The following DTL variants were observed in gnomAD, a reference collection of about 807,000 sequenced individuals.
DTL encodes the protein denticleless protein homolog.
Under a neutral mutation model 87.0 loss-of-function variants are expected in DTL, and 46 were observed. The observed-to-expected ratio is 0.53, with a 90% CI of 0.42 to 0.68. DTL has a LOEUF of 0.68. Among genes scored for constraint, DTL ranks in the 30% least tolerant of loss-of-function variants. The pLI is 0.00. For synonymous variants in DTL, 308 were observed against 311.2 expected (o/e 0.99, Z 0.11); for missense variants, 737 against 869.4 (o/e 0.85, Z 1.91).
chr1:212,081,277 AAAG>A (rs1558086038), intron 13 of DTL, among the ~76,000 whole-genome samples: 1 of 152,208 alleles, frequency 6.6e-6, no homozygotes, highest in Non-Finnish European at 1.5e-5. Flanking sequence ...TAGATATTTT[AAAG>A]AAGAATATTC....
intron 11 of DTL, among the ~76,000 whole-genome samples, chr1:212,077,112 T>C (rs151038113): frequency 7.9e-5 from 12 of 152,302 alleles, no homozygotes; most frequent in African/African-American, 2.9e-4. Context: ...TCACCTCCAC[T>C]TTCTTCATAC....
intron 14 of DTL, among the ~76,000 whole-genome samples, chr1:212,101,608 G>A (rs1326565456): frequency 6.6e-6 from 1 of 152,160 alleles, no homozygotes; most frequent in Non-Finnish European, 1.5e-5. Context: ...AACAATTTGA[G>A]TGCAAAATCT....
Position 212,103,961 on chromosome 1 carries a change from C to T in DTL, c.*1021C>T, listed in dbSNP as rs1191025581. Reference sequence around the variant, plus strand: ...TTTTCATGTACATAAAAAGCAATAGCCTTTTAGTATAGATAGCCCTGAGCC... The same window carrying T: ...TTTTCATGTACATAAAAAGCAATAGTCTTTTAGTATAGATAGCCCTGAGCC... On this transcript the variant is annotated 3_prime_UTR_variant, in exon 15 of 15. Coordinates refer to ENST00000366991, the MANE Select transcript of DTL (RefSeq NM_016448.4). 2 of 152,034 alleles carry T rather than the reference C, an allele frequency of 1.3e-5. No individual in the cohort carries two copies. Among genetic ancestry groups the T allele is most frequent in the Non-Finnish European group, 2.9e-5 (2 of 68,002 alleles). The allele number at this position is 152,034 out of a possible 1,614,324, so 9.4% of individuals were successfully genotyped here.
intron 11 of DTL, among the ~76,000 whole-genome samples, chr1:212,074,968 A>G (rs575994208): frequency 7.9e-5 from 12 of 152,060 alleles, no homozygotes; most frequent in Admixed American, 7.9e-4. Context: ...TTTCCTAACT[A>G]TTGTCTCACC....
At chr1:212,064,454 A>G (rs1166353387) in intron 6 of DTL, among the ~76,000 whole-genome samples, 3 of 152,334 alleles carry the variant, frequency 2.0e-5, no homozygotes, top group Non-Finnish European at 4.4e-5. Flanking sequence ...ATGTGTAATG[A>G]CGTGCGTCCA....
intron 11 of DTL, among the ~76,000 whole-genome samples, chr1:212,077,317 A>T (rs750042524): frequency 6.6e-6 from 1 of 152,154 alleles, no homozygotes; most frequent in Non-Finnish European, 1.5e-5. Flanking sequence ...GATGCTGTCA[A>T]ATGTACATAA....
chr1:212,102,125 C>T (rs1348842568), intron 14 of DTL, among the ~76,000 whole-genome samples: 2 of 152,090 alleles, frequency 1.3e-5, no homozygotes, highest in African/African-American at 4.8e-5. Context: ...AAGACCTATC[C>T]CATAATTTTA....
chr1:212,043,956 G>A (rs1196308183), intron 2 of DTL, among the ~76,000 whole-genome samples: 3 of 152,144 alleles, frequency 2.0e-5, no homozygotes, highest in African/African-American at 7.2e-5. Flanking sequence ...GGGCATGGTG[G>A]TGCATGCCTG....
chr1:212,062,111 A>G (rs1457902011), intron 5 of DTL, among the ~76,000 whole-genome samples: 2 of 152,202 alleles, frequency 1.3e-5, no homozygotes, highest in South Asian at 2.1e-4. Flanking sequence ...CATATACCCC[A>G]TAAATATGTA....
At chr1:212,051,129 A>T (rs1205902776) in intron 5 of DTL, among the ~76,000 whole-genome samples, 1 of 151,928 alleles carries the variant, frequency 6.6e-6, no homozygotes, top group Non-Finnish European at 1.5e-5. Context: ...GGACAGTTTC[A>T]TCTGTACCAG....
In DTL at chr1:212,080,608, C is replaced by T. The variant is rs1415437845; in HGVS notation, c.1126-7C>T. The T allele has an allele frequency of 1.2e-6, 2 of 1,608,840 alleles. No individual in the cohort carries two copies. The highest frequency in any genetic ancestry group is 1.7e-5 in the Admixed American group (1 of 59,000). ...TTCTTAATTCCCTTCTTGGTACTCCCTCTTAGATTGCTACCTGTTCTGATG... is the reference window on the plus strand; with the variant it reads ...TTCTTAATTCCCTTCTTGGTACTCCTTCTTAGATTGCTACCTGTTCTGATG... On this transcript the variant is annotated splice_region_variant and splice_polypyrimidine_tract_variant and intron_variant, in intron 12 of 14. Transcript: ENST00000366991.
At chr1:212,045,621 T>C (rs1434155672) in intron 3 of DTL, among the ~76,000 whole-genome samples, 1 of 152,186 alleles carries the variant, frequency 6.6e-6, no homozygotes, top group Non-Finnish European at 1.5e-5. Context: ...AGCTCTCATG[T>C]AGTAAAGAAG....
chr1:212,093,104 TC>T (rs2102580933), intron 13 of DTL, among the ~76,000 whole-genome samples: 1 of 152,304 alleles, frequency 6.6e-6, no homozygotes, highest in South Asian at 2.1e-4. Context: ...TGGTTTTTTT[TC>T]CTTGCTGATT....
intron 11 of DTL, among the ~76,000 whole-genome samples, chr1:212,076,073 A>G (rs1223991264): frequency 1.3e-5 from 2 of 152,202 alleles, no homozygotes; most frequent in Non-Finnish European, 2.9e-5. Context: ...ATAATATGCC[A>G]TTGTGTGGAT....
chr1:212,074,804 G>A lies in DTL; in HGVS notation c.1035+2591G>A, dbSNP rs192208993. On this transcript the variant is annotated intron_variant, in intron 11 of 14. Coordinates refer to ENST00000366991, the MANE Select transcript of DTL (RefSeq NM_016448.4). ...AAAAGCCAAAAGCCCATGGGCACAA[G>A]AAAACAAAATAGAAGGGAGTTTTGT... Among the ~76,000 whole-genome samples the A allele has an allele frequency of 5.7e-3, 863 of 152,168 alleles. 8 individuals are homozygous for A. The highest frequency in any genetic ancestry group is 8.3e-3 in the South Asian group (40 of 4,826).
chr1:212,075,932 T>C (rs144793195), intron 11 of DTL, among the ~76,000 whole-genome samples: 3 of 152,318 alleles, frequency 2.0e-5, no homozygotes, highest in Admixed American at 6.5e-5. Context: ...ATGGATTTGC[T>C]ATTCTAGACA....
chr1:212,083,254 T>C (rs1004531856), intron 13 of DTL, among the ~76,000 whole-genome samples: 2 of 152,134 alleles, frequency 1.3e-5, no homozygotes, highest in African/African-American at 4.8e-5. Flanking sequence ...CTTATAATAT[T>C]GTCAGATCTC....
At chr1:212,052,738 A>G (rs563936394) in intron 5 of DTL, among the ~76,000 whole-genome samples, 1 of 147,188 alleles carries the variant, frequency 6.8e-6, no homozygotes, top group Non-Finnish European at 1.5e-5. Context: ...CCATATATAT[A>G]TATTTTTTTT....
rs1376345024 is a variant in DTL, at chr1:212,104,847, C to T, written c.*1907C>T. The T allele has an allele frequency of 6.6e-6, 1 of 152,170 alleles. No individual in the cohort carries two copies. Among genetic ancestry groups the T allele is most frequent in the African/African-American group, 2.4e-5 (1 of 41,432 alleles). 9.4% of individuals were successfully genotyped at this position (152,170 alleles called of 1,614,324 possible). On this transcript the variant is annotated 3_prime_UTR_variant, in exon 15 of 15. Transcript: ENST00000366991. ...TGAATAATAAAGCCTTTTACCTTAT[C>T]TGATGTCCTTTTCTGAGCTTTTTGC...
Sources: allele counts gnomAD v4.1 joint callset (sites outside exome capture counted in the v4.1 genomes callset), GRCh38; gene constraint gnomAD v4.1.1; transcripts MANE v1.5; gene names NCBI Gene and HGNC (gene_info 2026-07-23, HGNC 2026-07-21).